The following DCC variants were observed in gnomAD, a reference collection of about 807,000 sequenced individuals.
DCC encodes DCC netrin 1 receptor.
In DCC, 58 loss-of-function variants were observed where a neutral mutation model predicts 172.5. That is an observed-to-expected ratio of 0.34 (90% CI 0.27 to 0.42). The LOEUF (loss-of-function observed/expected upper bound fraction) is 0.42. DCC is among the 10% of genes least tolerant of loss of function. The pLI, the probability that DCC is intolerant of heterozygous loss-of-function variation, is 1.00. For synonymous variants in DCC, 709 were observed against 644.5 expected (o/e 1.10, Z -1.52); for missense variants, 1,740 against 1,791.0 (o/e 0.97, Z 0.51).
chr18:53,143,480 G>A (rs1211601994), intron 7 of DCC, among the ~76,000 whole-genome samples: 23 of 152,184 alleles, frequency 1.5e-4, no homozygotes, highest in Admixed American at 6.5e-5. Flanking sequence ...GATAGTTTAC[G>A]TGTTTGGCTC....
chr18:52,457,935 ACAAC>A lies in DCC; in HGVS notation c.91+117058_91+117061del, dbSNP rs531758883. On this transcript the variant is annotated intron_variant, in intron 1 of 28. Transcript: ENST00000442544. ...AGCAAACAAACAAACAAACAAACAA[ACAAC>A]AAACAGAAAGAACTCAGAGCAAAGT... is the stretch of plus-strand genomic sequence containing the variant. Among the ~76,000 whole-genome samples the A allele has an allele frequency of 1.6e-3, 210 of 133,700 alleles. 5 individuals are homozygous for A. In the East Asian group the frequency reaches 0.035, roughly 22 times the overall value. The allele number at this position is 133,700 out of a possible 152,430, so 87.7% of individuals were successfully genotyped here.
rs192922743 is a variant in DCC, at chr18:52,589,254, A to G, written c.92-162800A>G. 1.2e-4 allele frequency among the ~76,000 whole-genome samples: 19 copies of G among 152,376 alleles called. No homozygotes were observed. In the East Asian group the frequency reaches 3.3e-3, roughly 26 times the overall value. On this transcript the variant is annotated intron_variant, in intron 1 of 28. Transcript: ENST00000442544. Reference sequence around the variant, plus strand: ...GCAAATATATGTAGAATGATACTTCAGAGAAAATATAGTCTACAGATACTT... The same window carrying G: ...GCAAATATATGTAGAATGATACTTCGGAGAAAATATAGTCTACAGATACTT...
intron 21 of DCC, chr18:53,416,612 G>C (rs1013487515): frequency 5.0e-6 from 1 of 201,508 alleles, no homozygotes; most frequent in African/African-American, 2.3e-5. Context: ...AATCAAAGTT[G>C]GGTCACCTTT....
intron 5 of DCC, among the ~76,000 whole-genome samples, chr18:53,006,528 G>A (rs921589658): frequency 2.6e-5 from 4 of 152,112 alleles, no homozygotes; most frequent in African/African-American, 7.2e-5. Flanking sequence ...GTAAACTTGG[G>A]GTAAATATAC....
chr18:52,486,412 A>G (rs1488603781), intron 1 of DCC, among the ~76,000 whole-genome samples: 1 of 152,140 alleles, frequency 6.6e-6, no homozygotes, highest in Non-Finnish European at 1.5e-5. Flanking sequence ...GACCTGATAT[A>G]CACCTTATAG....
intron 2 of DCC, among the ~76,000 whole-genome samples, chr18:52,801,546 G>C (rs11659271): frequency 0.66 from 99,717 of 151,992 alleles, 33,511 homozygotes; most frequent in East Asian, 0.85. Flanking sequence ...GAAAATGCAA[G>C]ACAAAATAAT....
At chr18:52,747,081 A>C (rs1486261087) in intron 1 of DCC, among the ~76,000 whole-genome samples, 1 of 82,860 alleles carries the variant, frequency 1.2e-5, no homozygotes, top group Non-Finnish European at 2.4e-5. Context: ...ATATGGCTTT[A>C]TGCCTATATT....
At chr18:52,398,619 T>C (rs1434705694) in intron 1 of DCC, among the ~76,000 whole-genome samples, 1 of 151,998 alleles carries the variant, frequency 6.6e-6, no homozygotes, top group African/African-American at 2.4e-5. Flanking sequence ...TATGGTCTTA[T>C]ATCTAGGCTC....
chr18:53,034,330 A>C (rs1409365722), intron 5 of DCC, among the ~76,000 whole-genome samples: 3 of 151,848 alleles, frequency 2.0e-5, no homozygotes, highest in Non-Finnish European at 4.4e-5. Flanking sequence ...CAGCCTCCTT[A>C]TGTCATCATA....
chr18:53,470,316 C>T (rs1178925918), intron 25 of DCC, among the ~76,000 whole-genome samples: 1 of 152,176 alleles, frequency 6.6e-6, no homozygotes, highest in Non-Finnish European at 1.5e-5. Flanking sequence ...ATTTCCTCAT[C>T]ACCATCTGAG....
chr18:52,574,314 G>C (rs1379475821), intron 1 of DCC, among the ~76,000 whole-genome samples: 3 of 152,126 alleles, frequency 2.0e-5, no homozygotes, highest in African/African-American at 7.2e-5. Context: ...ATGTGGATGT[G>C]TATAAAATAA....
intron 1 of DCC, among the ~76,000 whole-genome samples, chr18:52,490,549 A>G (rs1440377649): frequency 6.6e-6 from 1 of 152,090 alleles, no homozygotes; most frequent in Non-Finnish European, 1.5e-5. Context: ...TGGGACTAGA[A>G]ACCAGGCACT....
chr18:53,024,644 A>G (rs1245530771), intron 5 of DCC, among the ~76,000 whole-genome samples: 1 of 152,158 alleles, frequency 6.6e-6, no homozygotes, highest in Admixed American at 6.6e-5. Context: ...CTATTCTCTG[A>G]TGACTGCTTT....
intron 5 of DCC, among the ~76,000 whole-genome samples, chr18:53,048,480 C>T (rs887283611): frequency 7.1e-6 from 1 of 140,626 alleles, no homozygotes; most frequent in East Asian, 2.1e-4. Flanking sequence ...CTGTGTAATA[C>T]TCCATGGTTT....
intron 5 of DCC, among the ~76,000 whole-genome samples, chr18:52,940,351 C>T (rs938724812): frequency 6.6e-6 from 1 of 152,114 alleles, no homozygotes; most frequent in Non-Finnish European, 1.5e-5. Flanking sequence ...AGATAGCCTT[C>T]AGGCAGACTA....
At chr18:52,930,334 C>T (rs529105460) in intron 5 of DCC, among the ~76,000 whole-genome samples, 1 of 152,192 alleles carries the variant, frequency 6.6e-6, no homozygotes, top group Admixed American at 6.5e-5. Flanking sequence ...TGGCTTGCAC[C>T]TGTAGTCCCA....
At chr18:53,345,475 T>G (rs2144883883) in intron 15 of DCC, among the ~76,000 whole-genome samples, 1 of 152,294 alleles carries the variant, frequency 6.6e-6, no homozygotes, top group South Asian at 2.1e-4. Flanking sequence ...TCTTATATAT[T>G]TATTGTATTA....
At chr18:53,227,197 C>T (rs746968370) in intron 12 of DCC, among the ~76,000 whole-genome samples, 44 of 151,702 alleles carry the variant, frequency 2.9e-4, no homozygotes, top group Admixed American at 2.1e-3. Flanking sequence ...TCTGCCACCT[C>T]GGCCTCCCAT....
intron 21 of DCC, among the ~76,000 whole-genome samples, chr18:53,432,465 G>A (rs1012605748): frequency 6.6e-6 from 1 of 152,128 alleles, no homozygotes; most frequent in Non-Finnish European, 1.5e-5. Context: ...CTCTGGGATA[G>A]GGAAGTATTT....
Sources: gnomAD v4.1 joint callset for allele counts (sites outside exome capture counted in the v4.1 genomes callset) on GRCh38, gnomAD v4.1.1 for gene constraint, MANE v1.5 for transcripts, NCBI Gene and HGNC (gene_info 2026-07-23, HGNC 2026-07-21) for gene names.